Variants in TTC23L observed in about 807,000 individuals in gnomAD.
The protein encoded by TTC23L is tetratricopeptide repeat domain 23 like, also known as tetratricopeptide repeat protein 23-like.
In TTC23L, 42 loss-of-function variants were observed where a neutral mutation model predicts 48.1. The ratio of observed to expected loss-of-function variants is 0.87; its 90% CI spans 0.68 to 1.13. TTC23L has a LOEUF of 1.13. TTC23L is among the 50% of genes most tolerant of loss of function. The probability of loss-of-function intolerance (pLI) is 0.00; values close to 1 mark genes in which losing one functional copy is unlikely to be tolerated. For missense variants in TTC23L, 391 were observed against 421.0 expected, an observed-to-expected ratio of 0.93 and a Z score of 0.62; for synonymous variants, 159 against 157.2, an observed-to-expected ratio of 1.01 and a Z score of -0.09.
chr5:34,902,840 C>T (rs1312187385), downstream of TTC23L, among the ~76,000 whole-genome samples: 2 of 151,992 alleles, frequency 1.3e-5, no homozygotes, highest in East Asian at 3.9e-4. Context: ...TCATTTTAGC[C>T]CTTTCTGGAG....
chr5:34,866,617 G>A (rs1761063991), intron 6 of TTC23L, among the ~76,000 whole-genome samples: 1 of 150,546 alleles, frequency 6.6e-6, no homozygotes, highest in Non-Finnish European at 1.5e-5. Flanking sequence ...CCCATCTTGT[G>A]AATTCCTGGA....
chr5:34,908,449 A>AC, the TTC23L span: 1 of 175,058 alleles, frequency 5.7e-6, no homozygotes, highest in Non-Finnish European at 1.2e-5. Flanking sequence ...TGCTGGGATT[A>AC]AAGCCACCAC....
At chr5:34,925,619 T>C in the TTC23L span, 31 of 747,980 alleles carry the variant, frequency 4.1e-5, no homozygotes, top group Admixed American at 3.6e-4. Context: ...GAAAGAAAAA[T>C]TAAGATCTTA....
chr5:34,853,379 A>C (rs1418636286), intron 4 of TTC23L, among the ~76,000 whole-genome samples: 2 of 152,102 alleles, frequency 1.3e-5, no homozygotes, highest in Non-Finnish European at 2.9e-5. Flanking sequence ...AAAAATACAA[A>C]AATTAGCCAA....
chr5:34,915,941 G>A, the TTC23L span: 2 of 1,494,070 alleles, frequency 1.3e-6, no homozygotes, highest in Admixed American at 2.6e-5. Flanking sequence ...CGGCGGCTCT[G>A]TGCGCCTTTT....
chr5:34,910,593 A>C, the TTC23L span, among the ~76,000 whole-genome samples: 164 of 151,770 alleles, frequency 1.1e-3, 1 homozygote, highest in Non-Finnish European at 1.8e-3. Flanking sequence ...ACGCCCAACT[A>C]ATTTTTCTAT....
At chr5:34,891,019 A>G (rs146443054) in intron 9 of TTC23L, among the ~76,000 whole-genome samples, 221 of 152,338 alleles carry the variant, frequency 1.5e-3, no homozygotes, top group African/African-American at 5.2e-3. Flanking sequence ...CTCAAAAAGT[A>G]CGTTTTCTGA....
At chr5:34,847,549 A>G (rs116820934) in intron 3 of TTC23L, among the ~76,000 whole-genome samples, 2,048 of 151,466 alleles carry the variant, frequency 0.014, 40 homozygotes, top group African/African-American at 0.048. Flanking sequence ...GGGATGCCAC[A>G]TCAGCAGCAG....
chr5:34,875,629 A>G (rs1168922885), intron 8 of TTC23L, among the ~76,000 whole-genome samples: 2 of 152,120 alleles, frequency 1.3e-5, no homozygotes, highest in East Asian at 1.9e-4. Context: ...TCCTTTGGCA[A>G]CACCCTCGCA....
At chr5:34,922,600 CAAT>C in the TTC23L span, 3 of 1,600,320 alleles carry the variant, frequency 1.9e-6, no homozygotes, top group African/African-American at 4.0e-5. Flanking sequence ...TAAGTTGACT[CAAT>C]AAATTTTTTT....
the TTC23L span, chr5:34,915,901 G>T: frequency 1.3e-6 from 2 of 1,548,196 alleles, no homozygotes; most frequent in Non-Finnish European, 1.7e-6. Context: ...TTGCAAGGTA[G>T]GAGGGGATGT....
At chr5:34,896,819 A>C in exon 10 of TTC23L, 1 of 750,142 alleles carries the variant, frequency 1.3e-6, no homozygotes. Context: ...TCCTGGAAGA[A>C]GGAACTCTAC....
At chr5:34,915,617 C>G in the TTC23L span, 61 of 1,233,878 alleles carry the variant, frequency 4.9e-5, no homozygotes, top group Admixed American at 6.7e-5. Flanking sequence ...CGGAAGGAGG[C>G]GGCACAGACC....
chr5:34,918,546 T>C, the TTC23L span: 1 of 861,502 alleles, frequency 1.2e-6, no homozygotes, highest in Non-Finnish European at 1.7e-6. Context: ...TCACTTATTT[T>C]ATATATTCTT....
chr5:34,844,777 G>A (rs1420448380), intron 2 of TTC23L, among the ~76,000 whole-genome samples: 1 of 152,022 alleles, frequency 6.6e-6, no homozygotes, highest in African/African-American at 2.4e-5. Context: ...GATTTTTCTG[G>A]TGATGTTAGG....
intron 9 of TTC23L, chr5:34,880,609 C>A: frequency 2.4e-6 from 1 of 424,858 alleles, no homozygotes. Context: ...AATTGGCAGC[C>A]ATATGTTTGC....
chr5:34,892,237 C>CA (rs1762915201), intron 9 of TTC23L, among the ~76,000 whole-genome samples: 1 of 152,320 alleles, frequency 6.6e-6, no homozygotes, highest in East Asian at 1.9e-4. Flanking sequence ...AACTCGTTGA[C>CA]TACACTCACT....
chr5:34,892,625 G>A (rs1387701849), intron 9 of TTC23L, among the ~76,000 whole-genome samples: 2 of 152,192 alleles, frequency 1.3e-5, no homozygotes, highest in East Asian at 1.9e-4. Context: ...TAAATCATGA[G>A]GTTAGAAATG....
At chr5:34,890,288 T>C (rs1377386709) in intron 9 of TTC23L, among the ~76,000 whole-genome samples, 1 of 151,254 alleles carries the variant, frequency 6.6e-6, no homozygotes, top group Non-Finnish European at 1.5e-5. Context: ...CTACAAAAAA[T>C]ATAAAAATTA....
Sources: gnomAD v4.1 joint callset for allele counts (sites outside exome capture counted in the v4.1 genomes callset) on GRCh38, gnomAD v4.1.1 for gene constraint, MANE v1.5 for transcripts, NCBI Gene and HGNC (gene_info 2026-07-23, HGNC 2026-07-21) for gene names.